SPOCK1: variants seen among roughly 807,000 people sequenced by gnomAD.
SPOCK1 encodes SPARC (osteonectin), cwcv and kazal like domains proteoglycan 1, also known as testican-1.
Under a neutral mutation model 55.3 loss-of-function variants are expected in SPOCK1, and 23 were observed. The observed-to-expected ratio is 0.42, with a 90% confidence interval of 0.30 to 0.59. The LOEUF (loss-of-function observed/expected upper bound fraction) is 0.59, where lower values mean the gene tolerates loss of function less well. Ranked by LOEUF, SPOCK1 falls within the 20% of genes least tolerant of loss-of-function variation. The pLI is 0.22. For missense variants in SPOCK1, 499 were observed against 552.5 expected, an observed-to-expected ratio of 0.90 and a Z score of 0.97; for synonymous variants, 226 against 221.0, an observed-to-expected ratio of 1.02 and a Z score of -0.20.
At chr5:137,010,206 G>T (rs1304631439) in intron 6 of SPOCK1, among the ~76,000 whole-genome samples, 1 of 152,046 alleles carries the variant, frequency 6.6e-6, no homozygotes. Context: ...TCCCTGCAGA[G>T]TGCCTGGCCA....
chr5:137,397,793 T>G (rs1310492024), intron 2 of SPOCK1, among the ~76,000 whole-genome samples: 1 of 152,098 alleles, frequency 6.6e-6, no homozygotes, highest in Non-Finnish European at 1.5e-5. Flanking sequence ...CTTAAGTCAT[T>G]TCAGCTGGCT....
At chr5:137,126,741 A>C (rs1252535817) in intron 4 of SPOCK1, among the ~76,000 whole-genome samples, 1 of 152,216 alleles carries the variant, frequency 6.6e-6, no homozygotes, top group African/African-American at 2.4e-5. Context: ...AACAAGAACG[A>C]AACTCCATCT....
At chr5:137,285,348 C>T (rs1440566693) in intron 2 of SPOCK1, among the ~76,000 whole-genome samples, 1 of 152,204 alleles carries the variant, frequency 6.6e-6, no homozygotes, top group Non-Finnish European at 1.5e-5. Flanking sequence ...AACATTGTCT[C>T]TCTGCTCTTT....
intron 2 of SPOCK1, among the ~76,000 whole-genome samples, chr5:137,356,874 G>GAGAGATAGTC (rs1561513946): frequency 1.5e-5 from 1 of 68,776 alleles, no homozygotes; most frequent in African/African-American, 6.4e-5. Context: ...GAGAGAGAGA[G>GAGAGATAGTC]AGTATGCAGA....
chr5:137,458,594 C>G (rs1170020715), intron 2 of SPOCK1, among the ~76,000 whole-genome samples: 2 of 152,150 alleles, frequency 1.3e-5, no homozygotes, highest in Non-Finnish European at 2.9e-5. Flanking sequence ...ATTTAAGAAA[C>G]ATTACTGTTC....
intron 6 of SPOCK1, among the ~76,000 whole-genome samples, chr5:137,024,313 A>AAGGC (rs1336595270): frequency 3.9e-5 from 1 of 25,348 alleles, no homozygotes; most frequent in African/African-American, 9.3e-5. Flanking sequence ...CACCAGTTTG[A>AAGGC]AGGGGGGGGG....
chr5:137,063,405 GA>G (rs546494577), intron 6 of SPOCK1, among the ~76,000 whole-genome samples: 1,971 of 123,686 alleles, frequency 0.016, 37 homozygotes, highest in African/African-American at 0.05. Context: ...TTTGACTTCT[GA>G]AAAAAAAAAA....
chr5:137,000,348 T>C (rs536517660), intron 6 of SPOCK1, among the ~76,000 whole-genome samples: 1 of 152,268 alleles, frequency 6.6e-6, no homozygotes, highest in African/African-American at 2.4e-5. Flanking sequence ...GAAATAACAC[T>C]TTCCAGAGTC....
chr5:137,481,755 T>C (rs1482954903), intron 2 of SPOCK1, among the ~76,000 whole-genome samples: 1 of 152,174 alleles, frequency 6.6e-6, no homozygotes, highest in Non-Finnish European at 1.5e-5. Flanking sequence ...CCTCAAAGGA[T>C]GGCGTCCTGC....
chr5:137,157,724 T>C (rs1482146435), intron 3 of SPOCK1, among the ~76,000 whole-genome samples: 1 of 152,176 alleles, frequency 6.6e-6, no homozygotes, highest in Non-Finnish European at 1.5e-5. Flanking sequence ...GGATGAAAGG[T>C]TGGTCACTAG....
chr5:137,213,585 CA>C lies in SPOCK1; in HGVS notation c.232+53424del, dbSNP rs563454007. Reference sequence around the variant, plus strand: ...CCTCTAACCACCACGCTCGCAAGAGCACTAGATTAGGAATCAGGAGACCTGG... The same window carrying C: ...CCTCTAACCACCACGCTCGCAAGAGCCTAGATTAGGAATCAGGAGACCTGG... On this transcript the variant is annotated intron_variant, in intron 3 of 10. Coordinates refer to ENST00000394945, the MANE Select transcript of SPOCK1 (RefSeq NM_004598.4). 2.9e-3 allele frequency among the ~76,000 whole-genome samples: 443 copies of C among 152,338 alleles called. 2 individuals carry two copies. The highest frequency in any genetic ancestry group is 6.0e-3 in the African/African-American group (250 of 41,580).
chr5:137,078,751 C>T (rs1752821961), intron 5 of SPOCK1, among the ~76,000 whole-genome samples: 1 of 152,160 alleles, frequency 6.6e-6, no homozygotes, highest in Non-Finnish European at 1.5e-5. Context: ...GACAATTAAT[C>T]TTTGCTCCTT....
intron 2 of SPOCK1, among the ~76,000 whole-genome samples, chr5:137,410,584 G>C (rs567431742): frequency 1.3e-5 from 2 of 152,340 alleles, no homozygotes; most frequent in South Asian, 2.1e-4. Context: ...AATTGGCCCA[G>C]AAGATATCCC....
chr5:137,178,983 G>T (rs1450436692), intron 3 of SPOCK1, among the ~76,000 whole-genome samples: 1 of 152,176 alleles, frequency 6.6e-6, no homozygotes, highest in Non-Finnish European at 1.5e-5. Context: ...GGATAACAAT[G>T]GTGTGTTGGG....
chr5:137,390,518 C>T (rs1009165610), intron 2 of SPOCK1, among the ~76,000 whole-genome samples: 3 of 152,118 alleles, frequency 2.0e-5, no homozygotes, highest in Admixed American at 1.3e-4. Flanking sequence ...GTTCTATTTC[C>T]GTTTTTAATA....
chr5:137,016,606 C>T (rs1244700461), intron 6 of SPOCK1, among the ~76,000 whole-genome samples: 1 of 152,188 alleles, frequency 6.6e-6, no homozygotes, highest in African/African-American at 2.4e-5. Flanking sequence ...CAACTGGTGT[C>T]TAACAGTGAA....
intron 3 of SPOCK1, among the ~76,000 whole-genome samples, chr5:137,264,115 G>A (rs1015661798): frequency 2.2e-4 from 33 of 152,084 alleles, no homozygotes; most frequent in African/African-American, 5.8e-4. Context: ...CTGGAGAGCT[G>A]AATTGATAAG....
intron 2 of SPOCK1, among the ~76,000 whole-genome samples, chr5:137,305,489 C>T (rs1421353057): frequency 2.6e-5 from 4 of 152,150 alleles, no homozygotes. Flanking sequence ...CTAGAGACTC[C>T]CTGAGATAGG....
intron 2 of SPOCK1, among the ~76,000 whole-genome samples, chr5:137,368,152 G>C (rs1415011309): frequency 6.6e-6 from 1 of 152,190 alleles, no homozygotes; most frequent in African/African-American, 2.4e-5. Flanking sequence ...CAGTCACAAA[G>C]ATTGTGGTCA....
Sources: allele counts gnomAD v4.1 joint callset (sites outside exome capture counted in the v4.1 genomes callset), GRCh38; gene constraint gnomAD v4.1.1; transcripts MANE v1.5; gene names NCBI Gene and HGNC (gene_info 2026-07-23, HGNC 2026-07-21).